PTCH1: variants seen among roughly 807,000 people sequenced by gnomAD.
PTCH1 encodes the protein protein patched homolog 1.
Under a neutral mutation model 144.6 loss-of-function variants are expected in PTCH1, and 14 were observed. The observed-to-expected ratio is 0.10, with a 90% confidence interval of 0.06 to 0.15. The LOEUF is 0.15. Among genes scored for constraint, PTCH1 ranks in the 10% least tolerant of loss-of-function variants. The pLI, the probability that PTCH1 is intolerant of heterozygous loss-of-function variation, is 1.00. For synonymous variants in PTCH1, 833 were observed against 793.6 expected (o/e 1.05, Z -0.83); for missense variants, 1,623 against 1,948.3 (o/e 0.83, Z 3.14).
At chr9:95,457,465 T>C (rs146552075) in intron 18 of PTCH1, among the ~76,000 whole-genome samples, 68 of 152,360 alleles carry the variant, frequency 4.5e-4, no homozygotes, top group African/African-American at 1.6e-3. Flanking sequence ...ACGGTTTTAT[T>C]AGACTCTACA....
At chr9:95,453,310 T>C (rs896985766) in intron 20 of PTCH1, 168 bp downstream of exon 20, 27 of 953,582 alleles carry the variant, frequency 2.8e-5, no homozygotes, top group Non-Finnish European at 3.8e-5. Flanking sequence ...TTTTGTATTT[T>C]GAGTGGAGAT....
chr9:95,501,355 G>A (rs888976867), intron 2 of PTCH1, among the ~76,000 whole-genome samples: 1 of 152,056 alleles, frequency 6.6e-6, no homozygotes, highest in Non-Finnish European at 1.5e-5. Flanking sequence ...CAGCCCCAAT[G>A]TCAATAGTCC....
intron 2 of PTCH1, among the ~76,000 whole-genome samples, chr9:95,497,804 A>AGTT (rs1564077604): frequency 1.3e-5 from 2 of 152,150 alleles, no homozygotes; most frequent in African/African-American, 4.8e-5. Context: ...CAATGTGTTT[A>AGTT]TCTGGGTTTT....
Position 95,461,889 on chromosome 9 carries a change from G to A in PTCH1, c.2670C>T (p.Thr890=), listed in dbSNP as rs770685875. 22 of 1,614,084 alleles carry A rather than the reference G, an allele frequency of 1.4e-5. No homozygotes were observed. Among genetic ancestry groups the A allele is most frequent in the East Asian group, 8.9e-5 (4 of 44,892 alleles). ...TGTCGATGGGCTTATCGCGGCTGCC[G>A]GTTTGCACCAGGAGTTTGTAGGCAA... ...GVLAYKLLVQ[T]GSRDKPIDIS... Residue 890 remains threonine (T), a synonymous_variant, in exon 16 of 24, where the codon ACC becomes ACT. Coordinates refer to ENST00000331920, the MANE Select transcript of PTCH1 (RefSeq NM_000264.5).
chr9:95,446,793 A>G, intron 23 of PTCH1, 118 bp downstream of exon 23: 2 of 1,343,132 alleles, frequency 1.5e-6, no homozygotes, highest in Admixed American at 3.4e-5. Flanking sequence ...ACTGGGGTCC[A>G]GCGTGGGATG....
Position 95,469,987 on chromosome 9 carries a change from A to G in PTCH1, c.1729-56T>C, listed in dbSNP as rs55894855. The G allele has an allele frequency of 3.6e-5, 45 of 1,238,428 alleles. No homozygotes were observed. In the East Asian group the frequency reaches 6.3e-4, roughly 17 times the overall value. 76.7% of individuals were successfully genotyped at this position (1,238,428 alleles called of 1,614,324 possible). A position where few individuals can be genotyped will look rare whatever the true frequency, so the allele number is the denominator to read the frequency against. On this transcript the variant is annotated intron_variant, in intron 12 of 23. Coordinates refer to ENST00000331920, the MANE Select transcript of PTCH1 (RefSeq NM_000264.5). ...CAACATGCCTCCGCCCAATCAGAGG[A>G]CTGCTTCGAAAATAAAGATGCTTTT...
At chr9:95,514,070 A>G (rs765438283), upstream of PTCH1, 2 of 152,200 alleles carry the variant, frequency 1.3e-5, no homozygotes, top group Non-Finnish European at 2.9e-5. Flanking sequence ...CTCCAGGTCT[A>G]AATACTAGCT....
At chr9:95,460,107 A>C (rs1430892414) in intron 16 of PTCH1, among the ~76,000 whole-genome samples, 3 of 152,184 alleles carry the variant, frequency 2.0e-5, no homozygotes, top group Non-Finnish European at 4.4e-5. Context: ...TATTTATAGG[A>C]GGGGAAGGGG....
At chr9:95,453,906 C>T (rs1003142298) in intron 19 of PTCH1, among the ~76,000 whole-genome samples, 9 of 152,184 alleles carry the variant, frequency 5.9e-5, no homozygotes, top group Non-Finnish European at 1.2e-4. Flanking sequence ...ATACTCACCC[C>T]GAAGTTTCCC....
In PTCH1 at chr9:95,456,321, G is replaced by C. The variant is rs768215021; in HGVS notation, c.3261C>G (p.Ile1087Met). Reference sequence around the variant, plus strand: ...ACTCCACTCCTATGCCAACAGAAGCGATCAGGATGACCACGGGCACGGCAC... The same window carrying C: ...ACTCCACTCCTATGCCAACAGAAGCCATCAGGATGACCACGGGCACGGCAC... ...KLSAVPVVILIASVGIGVEFT... is the reference protein window; with the variant it reads ...KLSAVPVVILMASVGIGVEFT... Residue 1087 changes from isoleucine to methionine, a missense_variant, in exon 19 of 24, where the codon ATC becomes ATG. This residue lies in a region of PTCH1 where 504 missense variants were observed against 679.3 expected (regional missense o/e 0.74). Coordinates refer to ENST00000331920, the MANE Select transcript of PTCH1 (RefSeq NM_000264.5). 1 of 1,614,068 alleles carries C rather than the reference G, an allele frequency of 6.2e-7. No homozygotes were observed. The highest frequency in any genetic ancestry group is 8.5e-7 in the Non-Finnish European group (1 of 1,180,044).
rs1395512053 is a variant in PTCH1, at chr9:95,509,182, C to G, written c.-821G>C. 6.9e-6 allele frequency among the ~76,000 whole-genome samples: 1 copy of G among 144,818 alleles called. No homozygotes were observed. Among genetic ancestry groups the G allele is most frequent in the Non-Finnish European group, 1.5e-5 (1 of 66,680 alleles). On this transcript the variant is annotated 5_prime_UTR_variant, in exon 1 of 24. Transcript: ENST00000331920. ...CAGCGGGCAGCGGCCGCAGCAGCTC[C>G]TTGATTCAATAGATGAGATGGAAGA...
intron 16 of PTCH1, 53 bp from the exon 17 acceptor site, chr9:95,459,836 C>T (rs986564536): frequency 6.3e-7 from 1 of 1,585,552 alleles, no homozygotes. Context: ...GGGGTAAACA[C>T]ACTTCTGCCT....
intron 5 of PTCH1, among the ~76,000 whole-genome samples, chr9:95,481,539 C>T (rs935557391): frequency 2.6e-5 from 4 of 152,212 alleles, no homozygotes; most frequent in African/African-American, 9.6e-5. Flanking sequence ...CTTTTTACTT[C>T]ACAGGAAGAT....
At position 95,476,156 on chromosome 9, in the gene PTCH1, T is replaced by C. The variant is rs1187247122; in HGVS notation, c.1606A>G (p.Arg536Gly). Residue 536 changes from arginine to glycine, a missense_variant, in exon 12 of 24, where the codon AGG (arginine) becomes GGG (glycine). This residue lies in a region of PTCH1 where 135 missense variants were observed against 228.7 expected (regional missense o/e 0.59). Coordinates refer to ENST00000331920, the MANE Select transcript of PTCH1 (RefSeq NM_000264.5). This position sits in a 1 kb window ranked among gnomAD's most constrained non-coding sequence, Gnocchi z 4.6. ...GTGCGCTTCAGGCACTCCCCGGTCC[T>C]GTCCTGGGAATAAAAAAACACAGCG... ...GQNKRIPFED[R>G]TGECLKRTGA... 1 of 1,611,660 alleles carries C rather than the reference T, an allele frequency of 6.2e-7. No homozygotes were observed. The highest frequency in any genetic ancestry group is 8.5e-7 in the Non-Finnish European group (1 of 1,179,048).
At chr9:95,516,561 C>T (rs1370511974) in exon 1 of PTCH1, 2 of 1,549,954 alleles carry the variant, frequency 1.3e-6, no homozygotes, top group Admixed American at 4.4e-5. Context: ...TTTTCCCTGG[C>T]CCCCCTTTCC....
chr9:95,454,296 C>T (rs377656345), intron 19 of PTCH1, among the ~76,000 whole-genome samples: 15 of 152,274 alleles, frequency 9.9e-5, no homozygotes, highest in East Asian at 3.9e-4. Flanking sequence ...TTGGCCTGAA[C>T]GTGTGACCCC....
At chr9:95,507,311 C>T (rs1843758269) in intron 1 of PTCH1, 5 of 985,442 alleles carry the variant, frequency 5.1e-6, no homozygotes, top group Non-Finnish European at 4.8e-6. Context: ...TAAAAAACAG[C>T]CGAGTGCAAA....
chr9:95,514,764 T>G (rs1045425291), intron 1 of PTCH1, among the ~76,000 whole-genome samples: 1 of 152,218 alleles, frequency 6.6e-6, no homozygotes, highest in Non-Finnish European at 1.5e-5. Context: ...ACAGCCTTTT[T>G]CTTTTCAGAA....
intron 2 of PTCH1, among the ~76,000 whole-genome samples, chr9:95,490,340 G>T (rs1330267517): frequency 2.0e-5 from 3 of 151,772 alleles, no homozygotes; most frequent in East Asian, 3.9e-4. Flanking sequence ...AATAGCTGTG[G>T]AGTAGTGGAG....
Sources: gnomAD v4.1 joint callset for allele counts (sites outside exome capture counted in the v4.1 genomes callset) on GRCh38, gnomAD v4.1.1 for gene constraint, gnomAD v4.1.1 regional missense constraint, Gnocchi (gnomAD v3.1) non-coding constraint, MANE v1.5 for transcripts, NCBI Gene and HGNC (gene_info 2026-07-23, HGNC 2026-07-21) for gene names.